The following FBN3 variants were observed in gnomAD, a reference collection of about 807,000 sequenced individuals.
FBN3 encodes the protein fibrillin 3, also known as fibrillin-3.
In FBN3, 234 loss-of-function variants were observed where a neutral mutation model predicts 330.1. The observed-to-expected ratio is 0.71, with a 90% confidence interval of 0.64 to 0.79. FBN3 has a LOEUF of 0.79. FBN3 is among the 30% of genes least tolerant of loss of function. The pLI, the probability that FBN3 is intolerant of heterozygous loss-of-function variation, is 0.00. For synonymous variants in FBN3, 1,458 were observed against 1,517.3 expected, an observed-to-expected ratio of 0.96 and a Z score of 0.91; for missense variants, 3,606 against 3,886.9, an observed-to-expected ratio of 0.93 and a Z score of 1.92.
In FBN3 at chr19:8,141,950, C is replaced by T. The variant is rs1369065454; in HGVS notation, c.729G>A (p.Gly243=). 1 of 1,614,220 alleles carries T rather than the reference C, an allele frequency of 6.2e-7. No individual in the cohort carries two copies. The highest frequency in any genetic ancestry group is 1.7e-5 in the Admixed American group (1 of 60,022). ...RRGFIPNIHT[G]ACQDVDECQA... ...GACCCCACTATTCACCTTGGCAGGC[C>T]CCCGTGTGGATATTGGGGATGAAGC... Residue 243 remains glycine, a synonymous_variant, in exon 7 of 64, where the codon GGG becomes GGA. Coordinates refer to ENST00000600128, the MANE Select transcript of FBN3 (RefSeq NM_032447.5).
Position 8,136,439 on chromosome 19 carries a change from G to A in FBN3, c.1294C>T (p.Arg432Cys), listed in dbSNP as rs749082966. ...GRCLPTPSSY[R>C]CECNVGYTQD... ...GTGTAGCCCACGTTACACTCGCAGCGGTAGCTGGAAGGCGTGGGCAGGCAG... is the reference window on the plus strand; with the variant it reads ...GTGTAGCCCACGTTACACTCGCAGCAGTAGCTGGAAGGCGTGGGCAGGCAG... Residue 432 changes from arginine (R) to cysteine (C), a missense_variant, in exon 11 of 64, where the codon CGC becomes TGC. Transcript: ENST00000600128. The A allele has an allele frequency of 1.1e-5, 18 of 1,614,060 alleles. No homozygotes were observed. The highest frequency in any genetic ancestry group is 2.2e-5 in the South Asian group (2 of 91,092).
intron 22 of FBN3, 99 bp from the exon 23 acceptor site, chr19:8,124,107 G>T: frequency 9.4e-7 from 1 of 1,060,486 alleles, no homozygotes; most frequent in South Asian, 1.5e-5. Flanking sequence ...ACTTTCTCCC[G>T]GACGTAGTCA....
Position 8,127,721 on chromosome 19 carries a change from C to T in FBN3, c.2297-889G>A, listed in dbSNP as rs570941357. Among the ~76,000 whole-genome samples the T allele has an allele frequency of 3.9e-5, 6 of 152,328 alleles. No homozygotes were observed. In the East Asian group the frequency reaches 5.8e-4, roughly 15 times the overall value. On this transcript the variant is annotated intron_variant, in intron 18 of 63. Transcript: ENST00000600128. ...ATCACAGGCTGGGCGCTGTGGCTTACGCCTGTCATCCCACCTCTTTGGGAG... is the reference window on the plus strand; with the variant it reads ...ATCACAGGCTGGGCGCTGTGGCTTATGCCTGTCATCCCACCTCTTTGGGAG...
At position 8,066,197 on chromosome 19, in the gene FBN3, C is replaced by T. The variant is rs2081387304; in HGVS notation, c.8152G>A (p.Gly2718Ser). 2 of 1,609,464 alleles carry T rather than the reference C, an allele frequency of 1.2e-6. No individual in the cohort carries two copies. The highest frequency in any genetic ancestry group is 1.7e-5 in the Admixed American group (1 of 59,594). Residue 2718 changes from glycine to serine, a missense_variant, in exon 64 of 64, where the codon GGC (glycine) becomes AGC (serine). Coordinates refer to ENST00000600128, the MANE Select transcript of FBN3 (RefSeq NM_032447.5). The stretch of plus-strand genomic sequence containing the variant: ...AGCTCCAGGATGCGCTCGGCCCGGC[C>T]CAGGTGTGAGAGGTTCAGGCCCAAG... ...LTLGLNLSHL[G>S]RAERILELRP... is the part of the protein sequence containing the mutation.
At chr19:8,082,304 T>C (rs551559083) in intron 57 of FBN3, among the ~76,000 whole-genome samples, 1 of 112,952 alleles carries the variant, frequency 8.9e-6, no homozygotes, top group Non-Finnish European at 1.9e-5. Context: ...TTTCTCTCTT[T>C]CTCCCTTTCT....
chr19:8,136,103 C>G lies in FBN3; in HGVS notation c.1466-17G>C, dbSNP rs118115502. The G allele has an allele frequency of 6.2e-7, 1 of 1,612,936 alleles. No homozygotes were observed. Among genetic ancestry groups the G allele is most frequent in the Non-Finnish European group, 8.5e-7 (1 of 1,179,406 alleles). ...CGTCCACATCTGCGGGGAAGGCAGGCGGGCAGTCAAGAGGTGCTCCCCACC... is the reference window on the plus strand; with the variant it reads ...CGTCCACATCTGCGGGGAAGGCAGGGGGGCAGTCAAGAGGTGCTCCCCACC... On this transcript the variant is annotated splice_polypyrimidine_tract_variant and intron_variant, in intron 12 of 63. Coordinates refer to ENST00000600128, the MANE Select transcript of FBN3 (RefSeq NM_032447.5).
chr19:8,084,716 A>G (rs1053905941), intron 56 of FBN3, among the ~76,000 whole-genome samples: 2 of 150,956 alleles, frequency 1.3e-5, no homozygotes, highest in Non-Finnish European at 3.0e-5. Flanking sequence ...CCTCCCGAGT[A>G]ACTGGGATTA....
At position 8,129,809 on chromosome 19, in the gene FBN3, C is replaced by T. The variant is rs1323050365; in HGVS notation, c.2045-444G>A. Among the ~76,000 whole-genome samples, 1 of 152,112 alleles carries T rather than the reference C, an allele frequency of 6.6e-6. No homozygotes were observed. The highest frequency in any genetic ancestry group is 6.5e-5 in the Admixed American group (1 of 15,270). ...ATGATGGCTGTCACCTATAATCCCA[C>T]CACTTTGGGAGGCTGAGGTGGGAGG... On this transcript the variant is annotated intron_variant, in intron 16 of 63. Coordinates refer to ENST00000600128, the MANE Select transcript of FBN3 (RefSeq NM_032447.5). This position sits in a 1 kb window ranked among gnomAD's most constrained non-coding sequence, Gnocchi z 4.5.
intron 37 of FBN3, 63 bp downstream of exon 37, chr19:8,108,107 G>A (rs777516627): frequency 3.1e-5 from 45 of 1,443,280 alleles, no homozygotes; most frequent in Non-Finnish European, 4.2e-5. Context: ...TTGGTGAGGT[G>A]GGGATGAGAG....
chr19:8,095,652 C>G (rs1389237106), intron 45 of FBN3, 149 bp from the exon 46 acceptor site: 15 of 833,314 alleles, frequency 1.8e-5, no homozygotes, highest in Non-Finnish European at 2.8e-5. Flanking sequence ...AGCCTTCTAC[C>G]TATCTTATGA....
Position 8,131,702 on chromosome 19 carries a change from G to A in FBN3, c.1842C>T (p.Thr614=), listed in dbSNP as rs752834070. ...VGTDGRVCVD[T]HVRSTCYGAI... ...CCCCATAGCAGGTGCTGCGCACGTG[G>A]GTGTCCACGCACACGCGGCCATCCG... The change falls in exon 15 of 64, where the codon ACC becomes ACT. Residue 614 remains threonine, a synonymous_variant. Transcript: ENST00000600128. This position sits in a 1 kb window ranked among gnomAD's most constrained non-coding sequence, Gnocchi z 4.5. 1.6e-5 allele frequency: 26 copies of A among 1,613,978 alleles called. No individual in the cohort carries two copies. Among genetic ancestry groups the A allele is most frequent in the African/African-American group, 2.7e-5 (2 of 74,948 alleles).
chr19:8,098,847 G>A (rs1484765773), intron 41 of FBN3, among the ~76,000 whole-genome samples: 1 of 151,792 alleles, frequency 6.6e-6, no homozygotes, highest in African/African-American at 2.4e-5. Context: ...ATCAATAGGG[G>A]ACTGGAAACA....
intron 37 of FBN3, among the ~76,000 whole-genome samples, chr19:8,107,235 ATGGATGGAAGGATGGG>A (rs1156960789): frequency 7.2e-6 from 1 of 139,408 alleles, no homozygotes; most frequent in Non-Finnish European, 1.6e-5. Context: ...GGAAGGATGG[ATGGATGGAAGGATGGG>A]TGGATGGAAG....
chr19:8,113,603 G>A (rs1487903062), intron 30 of FBN3, among the ~76,000 whole-genome samples: 1 of 152,080 alleles, frequency 6.6e-6, no homozygotes, highest in Non-Finnish European at 1.5e-5. Context: ...GGAGGCTGAG[G>A]CTGGGAGGAT....
chr19:8,110,718 C>A, intron 34 of FBN3, 127 bp downstream of exon 34: 1 of 1,291,080 alleles, frequency 7.7e-7, no homozygotes, highest in Non-Finnish European at 1.1e-6. Flanking sequence ...AGGCGCCCCC[C>A]ACCCCCCAGC....
At position 8,089,671 on chromosome 19, in the gene FBN3, C is replaced by A; in HGVS notation, c.6251-1G>T. On this transcript the variant is annotated splice_acceptor_variant, in intron 50 of 63. Transcript: ENST00000600128. LOFTEE classifies it high-confidence loss of function. Reference sequence around the variant, plus strand: ...GGGTTCTCTGCACACTCATTCACGTCTGCGGATGGCAGGCGTTGCAGACAT... The same window carrying A: ...GGGTTCTCTGCACACTCATTCACGTATGCGGATGGCAGGCGTTGCAGACAT... 1 of 1,614,010 alleles carries A rather than the reference C, an allele frequency of 6.2e-7. No individual in the cohort carries two copies. Among genetic ancestry groups the A allele is most frequent in the South Asian group, 1.1e-5 (1 of 91,052 alleles).
rs754835046 is a variant in FBN3 at position 8,111,962 on chromosome 19, C to A, written c.3961+15G>T. On this transcript the variant is annotated intron_variant, in intron 31 of 63. Transcript: ENST00000600128. ...TCTACTGCTTTGCCCCCACTCCCTG[C>A]CCCCAGGTACTCACCGTGACATTCG... is the stretch of plus-strand genomic sequence containing the variant. 14 of 1,499,684 alleles carry A rather than the reference C, an allele frequency of 9.3e-6. No homozygotes were observed. Among genetic ancestry groups the A allele is most frequent in the African/African-American group, 2.9e-5 (2 of 69,752 alleles). The allele number at this position is 1,499,684 out of a possible 1,614,324, so 92.9% of individuals were successfully genotyped here.
At chr19:8,102,669 A>T in intron 40 of FBN3, 55 bp downstream of exon 40, 1 of 1,556,630 alleles carries the variant, frequency 6.4e-7, no homozygotes, top group Non-Finnish European at 8.8e-7. Flanking sequence ...GTGTTTCCTT[A>T]ACCATTATGC....
At chr19:8,110,680 G>A (rs2082557927) in intron 34 of FBN3, among the ~76,000 whole-genome samples, 165 bp downstream of exon 34, 1 of 152,172 alleles carries the variant, frequency 6.6e-6, no homozygotes, top group African/African-American at 2.4e-5. Context: ...AGGCGAACAG[G>A]AACGGGAAAT....
Sources: allele counts gnomAD v4.1 joint callset (sites outside exome capture counted in the v4.1 genomes callset), GRCh38; gene constraint gnomAD v4.1.1; non-coding constraint Gnocchi (gnomAD v3.1); transcripts MANE v1.5; gene names NCBI Gene and HGNC (gene_info 2026-07-23, HGNC 2026-07-21).